The following TMEM132D variants were observed in gnomAD, a reference collection of about 807,000 sequenced individuals.
TMEM132D encodes mature OL transmembrane protein.
A neutral mutation model predicts 62.3 loss-of-function variants in TMEM132D; 21 were observed. The ratio of observed to expected loss-of-function variants is 0.34; its 90% CI spans 0.24 to 0.49. TMEM132D has a LOEUF of 0.49. TMEM132D is among the 20% of genes least tolerant of loss of function. The pLI is 0.99. For synonymous variants in TMEM132D, 621 were observed against 575.6 expected, an observed-to-expected ratio of 1.08 and a Z score of -1.13; for missense variants, 1,346 against 1,402.8, an observed-to-expected ratio of 0.96 and a Z score of 0.65.
chr12:129,249,246 T>C (rs78829833), intron 4 of TMEM132D, among the ~76,000 whole-genome samples: 2,722 of 152,320 alleles, frequency 0.018, 86 homozygotes, highest in African/African-American at 0.062. Context: ...TAAAAAATCA[T>C]GTTTACAATT....
chr12:129,629,150 C>T (rs1220176759), intron 2 of TMEM132D, among the ~76,000 whole-genome samples: 3 of 152,084 alleles, frequency 2.0e-5, no homozygotes, highest in Non-Finnish European at 4.4e-5. Context: ...TTTGCACCTG[C>T]CACTCCCTCC....
intron 3 of TMEM132D, among the ~76,000 whole-genome samples, chr12:129,385,264 C>T (rs1280437219): frequency 1.3e-5 from 2 of 151,732 alleles, no homozygotes; most frequent in African/African-American, 2.4e-5. Flanking sequence ...TGCCACCATG[C>T]CCAGCTAATT....
intron 3 of TMEM132D, among the ~76,000 whole-genome samples, chr12:129,480,529 G>T (rs1225928882): frequency 6.6e-6 from 1 of 152,180 alleles, no homozygotes; most frequent in Non-Finnish European, 1.5e-5. Flanking sequence ...AAGTGCTCCG[G>T]GTAGAGCTTT....
intron 4 of TMEM132D, among the ~76,000 whole-genome samples, chr12:129,226,577 G>A (rs1235343554): frequency 6.6e-6 from 1 of 152,232 alleles, no homozygotes; most frequent in African/African-American, 2.4e-5. Flanking sequence ...CTAAGCCAGA[G>A]GGCGAAGTGA....
chr12:129,527,821 A>T (rs1287935582), intron 3 of TMEM132D, among the ~76,000 whole-genome samples: 1 of 152,254 alleles, frequency 6.6e-6, no homozygotes, highest in East Asian at 1.9e-4. Context: ...CTGGGGTAAC[A>T]TTCACATGTT....
At chr12:129,577,307 G>T (rs557137213) in intron 2 of TMEM132D, among the ~76,000 whole-genome samples, 33 of 151,792 alleles carry the variant, frequency 2.2e-4, no homozygotes, top group African/African-American at 6.6e-4. Context: ...CAGTAGTGCA[G>T]TGTATGCTGC....
chr12:129,885,114 G>A (rs1271893189), intron 1 of TMEM132D, among the ~76,000 whole-genome samples: 1 of 152,164 alleles, frequency 6.6e-6, no homozygotes, highest in Admixed American at 6.5e-5. Context: ...CAGGGGATGA[G>A]GAAAAAGAGA....
intron 3 of TMEM132D, among the ~76,000 whole-genome samples, chr12:129,395,927 A>G (rs1031379228): frequency 6.1e-5 from 9 of 146,662 alleles, no homozygotes; most frequent in African/African-American, 2.2e-4. Context: ...TATATTATAC[A>G]CATACTATAT....
At chr12:129,859,421 A>C (rs1873820683) in intron 1 of TMEM132D, among the ~76,000 whole-genome samples, 1 of 152,352 alleles carries the variant, frequency 6.6e-6, no homozygotes, top group Non-Finnish European at 1.5e-5. Flanking sequence ...TCACTGAATT[A>C]ATTGCCAATA....
At chr12:129,252,189 G>C (rs1264500776) in intron 4 of TMEM132D, among the ~76,000 whole-genome samples, 1 of 152,086 alleles carries the variant, frequency 6.6e-6, no homozygotes, top group Admixed American at 6.5e-5. Context: ...TAGAAATGCA[G>C]GATTGTTTAA....
chr12:129,650,888 T>G (rs1879911261), intron 2 of TMEM132D, among the ~76,000 whole-genome samples: 6 of 152,212 alleles, frequency 3.9e-5, no homozygotes, highest in Admixed American at 3.9e-4. Context: ...ACTACCTTAT[T>G]TGCAGTTGGT....
chr12:129,268,987 G>A (rs777464785), intron 4 of TMEM132D, among the ~76,000 whole-genome samples: 250 of 142,342 alleles, frequency 1.8e-3, no homozygotes, highest in Non-Finnish European at 3.0e-3. Context: ...CATGGACATA[G>A]GAAGGGGAAC....
chr12:129,228,094 G>A (rs1374732210), intron 4 of TMEM132D, among the ~76,000 whole-genome samples: 2 of 152,152 alleles, frequency 1.3e-5, no homozygotes, highest in East Asian at 3.9e-4. Context: ...TGGGTGGATG[G>A]TAACAAAACA....
chr12:129,286,773 C>T (rs1212158681), intron 4 of TMEM132D, among the ~76,000 whole-genome samples: 1 of 152,202 alleles, frequency 6.6e-6, no homozygotes, highest in Non-Finnish European at 1.5e-5. Flanking sequence ...GGGAGCCAAG[C>T]ATGGTGGCTT....
intron 3 of TMEM132D, among the ~76,000 whole-genome samples, chr12:129,503,836 C>T (rs1171375075): frequency 6.6e-6 from 1 of 152,162 alleles, no homozygotes; most frequent in Non-Finnish European, 1.5e-5. Flanking sequence ...ATTTCTTTCA[C>T]TTTTGAAACA....
At chr12:129,816,307 G>T (rs1872344203) in intron 1 of TMEM132D, among the ~76,000 whole-genome samples, 1 of 152,198 alleles carries the variant, frequency 6.6e-6, no homozygotes, top group Non-Finnish European at 1.5e-5. Context: ...TTATTACAAT[G>T]TGTTAAAAGA....
At chr12:129,435,543 T>C (rs1872765998) in intron 3 of TMEM132D, among the ~76,000 whole-genome samples, 1 of 152,216 alleles carries the variant, frequency 6.6e-6, no homozygotes. Context: ...ATGGTGGTTT[T>C]GATTGGCATT....
At chr12:129,859,955 A>G (rs1873839084) in intron 1 of TMEM132D, among the ~76,000 whole-genome samples, 2 of 151,726 alleles carry the variant, frequency 1.3e-5, no homozygotes, top group African/African-American at 4.8e-5. Flanking sequence ...TCCCTAATAA[A>G]CTCCCTTTCA....
rs555883036 is a variant in TMEM132D at position 129,607,759 on chromosome 12, C to T, written c.969-76554G>A. ...AAAATGAAGACGTATTTTTAAATGCCTTTTTCTGTGTTTTGGAGTACCTGT... is the reference window on the plus strand; with the variant it reads ...AAAATGAAGACGTATTTTTAAATGCTTTTTTCTGTGTTTTGGAGTACCTGT... On this transcript the variant is annotated intron_variant, in intron 2 of 8. Coordinates refer to ENST00000422113, the MANE Select transcript of TMEM132D (RefSeq NM_133448.3). Among the ~76,000 whole-genome samples the T allele has an allele frequency of 4.6e-5, 7 of 152,232 alleles. No homozygotes were observed. The East Asian group carries it at 1.4e-3, about 29-fold the overall frequency.
Sources: allele counts gnomAD v4.1 joint callset (sites outside exome capture counted in the v4.1 genomes callset), GRCh38; gene constraint gnomAD v4.1.1; transcripts MANE v1.5; gene names NCBI Gene and HGNC (gene_info 2026-07-23, HGNC 2026-07-21).